The following AK5 variants were observed in gnomAD, a reference collection of about 807,000 sequenced individuals.
AK5 encodes adenylate kinase isoenzyme 5.
A neutral mutation model predicts 69.5 loss-of-function variants in AK5; 27 were observed. That is an observed-to-expected ratio of 0.39 (90% CI 0.29 to 0.54). The LOEUF (loss-of-function observed/expected upper bound fraction) is 0.54, where lower values mean the gene tolerates loss of function less well. AK5 is among the 20% of genes least tolerant of loss of function. AK5 has a pLI of 0.71. For missense variants in AK5, 531 were observed against 700.4 expected, an observed-to-expected ratio of 0.76 and a Z score of 2.73; for synonymous variants, 260 against 244.4, an observed-to-expected ratio of 1.06 and a Z score of -0.60.
At chr1:77,444,399 A>T (rs1224832718) in intron 8 of AK5, among the ~76,000 whole-genome samples, 1 of 79,328 alleles carries the variant, frequency 1.3e-5, no homozygotes, top group African/African-American at 5.2e-5. Context: ...ATATAGTATA[A>T]ATATATACTA....
At chr1:77,342,831 GTTT>G (rs200089511) in intron 6 of AK5, among the ~76,000 whole-genome samples, 1 of 145,208 alleles carries the variant, frequency 6.9e-6, no homozygotes, top group Non-Finnish European at 1.5e-5. Context: ...TTTCTCTGTA[GTTT>G]TTTTTTTTTC....
At chr1:77,528,393 C>T (rs1232573188) in intron 12 of AK5, among the ~76,000 whole-genome samples, 1 of 151,990 alleles carries the variant, frequency 6.6e-6, no homozygotes, top group African/African-American at 2.4e-5. Context: ...TTGATGCGTC[C>T]GATGCATTGG....
chr1:77,302,928 G>A (rs919203432), intron 5 of AK5, among the ~76,000 whole-genome samples: 4 of 152,108 alleles, frequency 2.6e-5, no homozygotes, highest in African/African-American at 4.8e-5. Context: ...CATAACAGGG[G>A]TTATCAATTT....
chr1:77,543,806 T>G (rs1281821197), intron 13 of AK5, among the ~76,000 whole-genome samples: 3 of 152,206 alleles, frequency 2.0e-5, no homozygotes, highest in African/African-American at 7.2e-5. Flanking sequence ...CCAGATTCCA[T>G]GCGAGGTAAG....
rs1322425184 is a variant in AK5 at position 77,483,370 on chromosome 1, C to T, written c.1102+11C>T. ...AGGACACTATGGGAGGTGAGTTTTC[C>T]TTACTGATCAGATCAAAGTTGTCAT... On this transcript the variant is annotated intron_variant, in intron 9 of 13. Coordinates refer to ENST00000354567, the MANE Select transcript of AK5 (RefSeq NM_174858.3). 6 of 1,607,680 alleles carry T rather than the reference C, an allele frequency of 3.7e-6. No homozygotes were observed. In the African/African-American group the frequency reaches 6.7e-5, roughly 18 times the overall value.
chr1:77,498,590 T>C (rs993305389), intron 10 of AK5, among the ~76,000 whole-genome samples: 2 of 152,208 alleles, frequency 1.3e-5, no homozygotes, highest in Non-Finnish European at 2.9e-5. Context: ...TGTGGAAGTA[T>C]TGATTGTGTC....
chr1:77,333,870 A>G (rs1661214758), intron 5 of AK5, among the ~76,000 whole-genome samples: 1 of 152,246 alleles, frequency 6.6e-6, no homozygotes, highest in Non-Finnish European at 1.5e-5. Flanking sequence ...GTACTTTTAC[A>G]GTGGTAAAGG....
chr1:77,558,273 G>A (rs939445908), intron 13 of AK5, among the ~76,000 whole-genome samples: 2 of 152,206 alleles, frequency 1.3e-5, no homozygotes, highest in African/African-American at 4.8e-5. Context: ...TTAAGAAACT[G>A]CAGTGTCTTC....
chr1:77,298,639 A>C (rs1315517864), intron 5 of AK5, among the ~76,000 whole-genome samples: 1 of 133,958 alleles, frequency 7.5e-6, no homozygotes, highest in African/African-American at 2.6e-5. Context: ...CCCCATCTCT[A>C]CAAAAAAAAA....
chr1:77,401,655 A>C (rs1649223938), intron 6 of AK5, among the ~76,000 whole-genome samples: 1 of 152,192 alleles, frequency 6.6e-6, no homozygotes, highest in Non-Finnish European at 1.5e-5. Context: ...TTATGTGGCA[A>C]GCCCTATCTC....
intron 1 of AK5, chr1:77,282,776 C>T: frequency 4.0e-6 from 4 of 1,003,554 alleles, no homozygotes; most frequent in Non-Finnish European, 4.7e-6. Context: ...GGAGCCAGAG[C>T]CCTAGTCACT....
At chr1:77,475,316 T>G (rs1325737072) in intron 8 of AK5, among the ~76,000 whole-genome samples, 1 of 139,282 alleles carries the variant, frequency 7.2e-6, no homozygotes, top group African/African-American at 2.7e-5. Context: ...AGGGGCAGAA[T>G]GTAAACAAGC....
At chr1:77,357,273 A>G (rs537639553) in intron 6 of AK5, among the ~76,000 whole-genome samples, 2 of 151,382 alleles carry the variant, frequency 1.3e-5, no homozygotes, top group South Asian at 4.1e-4. Context: ...TTGAAGTCAC[A>G]AAGACAAGGG....
At chr1:77,474,510 G>A (rs562506553) in intron 8 of AK5, among the ~76,000 whole-genome samples, 65 of 152,288 alleles carry the variant, frequency 4.3e-4, no homozygotes, top group South Asian at 2.1e-3. Context: ...TGTAGGCTTC[G>A]GAGTGGTTGA....
intron 5 of AK5, among the ~76,000 whole-genome samples, chr1:77,336,440 A>C (rs1247043555): frequency 1.3e-5 from 2 of 152,188 alleles, no homozygotes; most frequent in Non-Finnish European, 2.9e-5. Flanking sequence ...CAAAAAGACA[A>C]CTAATAAAAA....
At chr1:77,301,176 G>A (rs576987278) in intron 5 of AK5, among the ~76,000 whole-genome samples, 1 of 152,234 alleles carries the variant, frequency 6.6e-6, no homozygotes, top group African/African-American at 2.4e-5. Flanking sequence ...AGCTTGACTG[G>A]GCAGCTTTTT....
At chr1:77,291,975 G>A (rs1197379287) in intron 2 of AK5, among the ~76,000 whole-genome samples, 1 of 152,186 alleles carries the variant, frequency 6.6e-6, no homozygotes, top group African/African-American at 2.4e-5. Flanking sequence ...AGCCATGGGA[G>A]CAACAGGGGA....
intron 13 of AK5, among the ~76,000 whole-genome samples, chr1:77,557,620 G>A (rs1660174909): frequency 1.3e-5 from 2 of 152,050 alleles, no homozygotes; most frequent in Non-Finnish European, 2.9e-5. Flanking sequence ...CCTACACACT[G>A]CGGTCCTAGT....
intron 6 of AK5, among the ~76,000 whole-genome samples, chr1:77,402,289 C>CATTATTATT (rs982570861): frequency 6.6e-6 from 1 of 151,586 alleles, no homozygotes. Flanking sequence ...AAAACTTTTT[C>CATTATTATT]ATTATTATTA....
Sources: gnomAD v4.1 joint callset for allele counts (sites outside exome capture counted in the v4.1 genomes callset) on GRCh38, gnomAD v4.1.1 for gene constraint, MANE v1.5 for transcripts, NCBI Gene and HGNC (gene_info 2026-07-23, HGNC 2026-07-21) for gene names.